Variants in HPSE2 observed in about 807,000 individuals in gnomAD.
HPSE2 encodes the protein heparanase 2 (inactive).
In HPSE2, 38 loss-of-function variants were observed where a neutral mutation model predicts 60.5. The ratio of observed to expected loss-of-function variants is 0.63; its 90% CI spans 0.48 to 0.82. HPSE2 has a LOEUF of 0.82. Ranked by LOEUF, HPSE2 falls within the 40% of genes least tolerant of loss-of-function variation. HPSE2 has a pLI of 0.00. For synonymous variants in HPSE2, 295 were observed against 293.2 expected (o/e 1.01, Z -0.06); for missense variants, 713 against 740.4 (o/e 0.96, Z 0.43).
chr10:98,676,908 C>A (rs1947657967), intron 6 of HPSE2, among the ~76,000 whole-genome samples: 1 of 143,804 alleles, frequency 7.0e-6, no homozygotes, highest in Non-Finnish European at 1.5e-5. Flanking sequence ...TCTTTCTGTT[C>A]CATTTTCTCT....
chr10:98,837,202 AAG>A (rs1406412569), intron 3 of HPSE2, among the ~76,000 whole-genome samples: 31 of 152,342 alleles, frequency 2.0e-4, no homozygotes, highest in African/African-American at 7.2e-4. Context: ...ATCACAGTAT[AAG>A]AGAGAATAAT....
At chr10:98,829,763 T>C (rs1183512021) in intron 3 of HPSE2, among the ~76,000 whole-genome samples, 1 of 152,230 alleles carries the variant, frequency 6.6e-6, no homozygotes, top group Non-Finnish European at 1.5e-5. Flanking sequence ...TGGATTGCAT[T>C]TTCAAAGTGA....
chr10:98,925,717 T>C (rs1471998363), intron 3 of HPSE2, among the ~76,000 whole-genome samples: 2 of 152,202 alleles, frequency 1.3e-5, no homozygotes, highest in South Asian at 2.1e-4. Flanking sequence ...AAATTTTTTA[T>C]GACATTTGGC....
chr10:99,132,193 G>GAAAGAAAGAAAGAAAGAAAGAAAGAA (rs1462262867), intron 3 of HPSE2, among the ~76,000 whole-genome samples: 2 of 13,434 alleles, frequency 1.5e-4, no homozygotes, highest in Admixed American at 1.1e-3. Context: ...AAGAAAGAAA[G>GAAAGAAAGAAAGAAAGAAAGAAAGAA]AGAGAGAGAG....
intron 3 of HPSE2, among the ~76,000 whole-genome samples, chr10:99,110,840 T>G (rs1430320057): frequency 2.0e-5 from 3 of 152,194 alleles, no homozygotes; most frequent in Non-Finnish European, 4.4e-5. Flanking sequence ...TTTTCTCCTA[T>G]GTTGTCATCT....
intron 3 of HPSE2, among the ~76,000 whole-genome samples, chr10:99,118,098 T>C (rs1030810491): frequency 1.3e-5 from 2 of 152,004 alleles, no homozygotes; most frequent in Non-Finnish European, 2.9e-5. Flanking sequence ...TGCAAATCAA[T>C]AGATGTGATC....
the HPSE2 span, among the ~76,000 whole-genome samples, chr10:99,254,599 G>A: frequency 6.6e-6 from 1 of 152,062 alleles, no homozygotes; most frequent in African/African-American, 2.4e-5. Context: ...ATGTGATTAG[G>A]TGTAATTTAA....
chr10:98,875,750 CT>C lies in HPSE2; in HGVS notation c.611-131695del, dbSNP rs1284819598. ...AAAATGAAAACTTCAGGAAGTTATT[CT>C]AGTTTCAATCCTCCGTGAATTCTAT... On this transcript the variant is annotated intron_variant, in intron 3 of 11. Transcript: ENST00000370552. Among the ~76,000 whole-genome samples, 5 of 152,116 alleles carry C rather than the reference CT, an allele frequency of 3.3e-5. No individual in the cohort carries two copies. The East Asian group carries it at 7.7e-4, about 24-fold the overall frequency.
At chr10:98,620,086 T>C (rs939988493) in intron 8 of HPSE2, among the ~76,000 whole-genome samples, 1 of 152,180 alleles carries the variant, frequency 6.6e-6, no homozygotes, top group Non-Finnish European at 1.5e-5. Flanking sequence ...ATCGATTTCA[T>C]TGGTTGTTAA....
chr10:99,179,736 T>G (rs1268581017), intron 2 of HPSE2, among the ~76,000 whole-genome samples: 2 of 144,480 alleles, frequency 1.4e-5, no homozygotes, highest in Non-Finnish European at 3.1e-5. Context: ...ACTGACTTTC[T>G]TCACAGAATG....
At chr10:98,872,862 C>T (rs1013522099) in intron 3 of HPSE2, among the ~76,000 whole-genome samples, 8 of 152,136 alleles carry the variant, frequency 5.3e-5, no homozygotes, top group Admixed American at 4.6e-4. Context: ...GGTAACTTCT[C>T]AGTAAACTTG....
At chr10:99,010,009 A>G (rs145010100) in intron 3 of HPSE2, among the ~76,000 whole-genome samples, 35 of 152,358 alleles carry the variant, frequency 2.3e-4, no homozygotes, top group African/African-American at 8.2e-4. Context: ...TTTACAGACC[A>G]TTGTTTGGGA....
At chr10:99,132,235 G>GAA (rs1845463710) in intron 3 of HPSE2, among the ~76,000 whole-genome samples, 27 of 42,336 alleles carry the variant, frequency 6.4e-4, no homozygotes, top group East Asian at 2.0e-3. Context: ...GAGAGAGAGA[G>GAA]AGAGAGAGAA....
chr10:99,077,551 GATTT>G (rs1480344904), intron 3 of HPSE2, among the ~76,000 whole-genome samples: 1 of 151,736 alleles, frequency 6.6e-6, no homozygotes, highest in Non-Finnish European at 1.5e-5. Context: ...TCAGTTTCAA[GATTT>G]GTTTGGGGCT....
chr10:98,773,428 G>A (rs1239125531), intron 3 of HPSE2, among the ~76,000 whole-genome samples: 2 of 152,068 alleles, frequency 1.3e-5, no homozygotes, highest in East Asian at 1.9e-4. Context: ...ATACTTTTAG[G>A]ATATATAGCA....
chr10:99,015,814 A>T (rs1039781146), intron 3 of HPSE2, among the ~76,000 whole-genome samples: 52 of 152,306 alleles, frequency 3.4e-4, no homozygotes, highest in African/African-American at 1.2e-3. Flanking sequence ...AACTTAAAGT[A>T]TAATTAAAAT....
chr10:99,278,670 C>A, the HPSE2 span, among the ~76,000 whole-genome samples: 1 of 152,112 alleles, frequency 6.6e-6, no homozygotes, highest in African/African-American at 2.4e-5. Flanking sequence ...GCATTCATGG[C>A]CACAGAAATC....
At chr10:98,473,514 A>AACAG (rs1818030436) in intron 11 of HPSE2, among the ~76,000 whole-genome samples, 1 of 125,858 alleles carries the variant, frequency 7.9e-6, no homozygotes, top group Non-Finnish European at 1.6e-5. Context: ...AGAAGGCAGA[A>AACAG]AAAGAGAAAG....
chr10:99,305,977 G>GCACACACACACACACACACA, the HPSE2 span, among the ~76,000 whole-genome samples: 144 of 53,702 alleles, frequency 2.7e-3, no homozygotes, highest in African/African-American at 4.9e-3. Context: ...GCGCGCGCGC[G>GCACACACACACACACACACA]CGCACACACA....
Sources: gnomAD v4.1 joint callset for allele counts (sites outside exome capture counted in the v4.1 genomes callset) on GRCh38, gnomAD v4.1.1 for gene constraint, MANE v1.5 for transcripts, NCBI Gene and HGNC (gene_info 2026-07-23, HGNC 2026-07-21) for gene names.